The following KANK1 variants were observed in gnomAD, a reference collection of about 807,000 sequenced individuals.
KANK1 encodes the protein KN motif and ankyrin repeat domains 1, also known as KN motif and ankyrin repeat domain-containing protein 1.
In KANK1, 109 loss-of-function variants were observed where a neutral mutation model predicts 106.2. The ratio of observed to expected loss-of-function variants is 1.03; its 90% CI spans 0.88 to 1.20. KANK1 has a LOEUF of 1.20. Among genes scored for constraint, KANK1 ranks in the 50% most tolerant of loss-of-function variants. The pLI is 0.00. For synonymous variants in KANK1, 873 were observed against 652.2 expected, an observed-to-expected ratio of 1.34 and a Z score of -5.16; for missense variants, 2,399 against 1,710.7, an observed-to-expected ratio of 1.40 and a Z score of -7.10.
intron 1 of KANK1, among the ~76,000 whole-genome samples, chr9:527,694 C>CT (rs748198713): frequency 0.042 from 5,984 of 141,072 alleles, 135 homozygotes; most frequent in Non-Finnish European, 0.054. Context: ...TCTAAATTGT[C>CT]TTTTTTTTTT....
chr9:523,491 T>G (rs1025657359), intron 1 of KANK1, among the ~76,000 whole-genome samples: 1 of 151,762 alleles, frequency 6.6e-6, no homozygotes, highest in Non-Finnish European at 1.5e-5. Context: ...AAAACAAAAG[T>G]CACATTGTGG....
chr9:522,913 G>T (rs2059614992), intron 1 of KANK1, among the ~76,000 whole-genome samples: 1 of 151,664 alleles, frequency 6.6e-6, no homozygotes, highest in Admixed American at 6.6e-5. Context: ...CTGCTGAGCT[G>T]TGGTTTCCCA....
At chr9:659,066 C>T (rs770043143) in intron 1 of KANK1, among the ~76,000 whole-genome samples, 13 of 152,136 alleles carry the variant, frequency 8.5e-5, no homozygotes, top group Non-Finnish European at 1.6e-4. Context: ...TTTGTTTGTG[C>T]ACATATAGTT....
chr9:584,447 A>AT (rs1421067076), intron 1 of KANK1, among the ~76,000 whole-genome samples: 1 of 152,194 alleles, frequency 6.6e-6, no homozygotes, highest in Non-Finnish European at 1.5e-5. Flanking sequence ...AGGAAGAAAA[A>AT]TTATTTTTTA....
At chr9:622,277 A>G (rs1833324002) in intron 1 of KANK1, among the ~76,000 whole-genome samples, 1 of 152,220 alleles carries the variant, frequency 6.6e-6, no homozygotes, top group African/African-American at 2.4e-5. Context: ...TTGTCACTTC[A>G]TGCTCTTCTT....
At chr9:557,214 T>G (rs1341412334) in intron 1 of KANK1, among the ~76,000 whole-genome samples, 2 of 151,798 alleles carry the variant, frequency 1.3e-5, no homozygotes, top group African/African-American at 4.8e-5. Context: ...AAAAATTTAT[T>G]CATTAGTTAT....
chr9:619,889 C>T (rs1241143463), intron 1 of KANK1, among the ~76,000 whole-genome samples: 2 of 152,014 alleles, frequency 1.3e-5, no homozygotes, highest in African/African-American at 4.8e-5. Context: ...GTAATCCCAG[C>T]ATTTTGGGAG....
chr9:533,512 G>A (rs991990476), intron 1 of KANK1, among the ~76,000 whole-genome samples: 1 of 152,182 alleles, frequency 6.6e-6, no homozygotes, highest in Non-Finnish European at 1.5e-5. Context: ...ATGGAAAATT[G>A]TTTATATATT....
chr9:549,871 C>T (rs1269112472), intron 1 of KANK1: 1 of 152,192 alleles, frequency 6.6e-6, no homozygotes, highest in Non-Finnish European at 1.5e-5. Context: ...TTCCCTCTAG[C>T]TTCCAGAGGG....
At chr9:508,169 T>G (rs12352750) in intron 1 of KANK1, among the ~76,000 whole-genome samples, 19,630 of 139,380 alleles carry the variant, frequency 0.14, 2,758 homozygotes, top group African/African-American at 0.36. Flanking sequence ...ATGGAGTTTC[T>G]TTCTTGTTGC....
intron 1 of KANK1, among the ~76,000 whole-genome samples, chr9:514,218 CCCTTCCTCCCTCCCTCCCTCCCTTCCTT>C (rs1322433921): frequency 4.2e-5 from 3 of 71,032 alleles, no homozygotes; most frequent in East Asian, 3.2e-4. Flanking sequence ...CTCCCTCCCT[CCCTTCCTCCCTCCCTCCCTCCCTTCCTT>C]CCTTCCTCCC....
At chr9:538,028 C>G (rs1327745305) in intron 1 of KANK1, among the ~76,000 whole-genome samples, 2 of 152,022 alleles carry the variant, frequency 1.3e-5, no homozygotes, top group Non-Finnish European at 2.9e-5. Flanking sequence ...TCTTGTTAAG[C>G]TATTCATCCT....
intron 2 of KANK1, among the ~76,000 whole-genome samples, chr9:686,319 C>A (rs1489214690): frequency 6.6e-6 from 1 of 152,160 alleles, no homozygotes; most frequent in Non-Finnish European, 1.5e-5. Flanking sequence ...TTTTTTGGGG[C>A]AACCCGTTTG....
At chr9:476,373 T>C (rs544464020) in intron 3 of KANK1, among the ~76,000 whole-genome samples, 25 of 151,898 alleles carry the variant, frequency 1.6e-4, no homozygotes, top group African/African-American at 4.1e-4. Flanking sequence ...ATACAAACAT[T>C]AGCCGAGCAT....
chr9:540,689 C>G (rs186538913), intron 1 of KANK1: 21 of 152,320 alleles, frequency 1.4e-4, no homozygotes, highest in African/African-American at 3.4e-4. Context: ...CTGATTCAAT[C>G]TCCTTACTTA....
At chr9:597,166 T>C (rs1324948154) in intron 1 of KANK1, among the ~76,000 whole-genome samples, 2 of 151,898 alleles carry the variant, frequency 1.3e-5, no homozygotes, top group Non-Finnish European at 2.9e-5. Flanking sequence ...TTAATTCTTA[T>C]GAATAAGGCT....
chr9:676,958 T>C lies in KANK1; in HGVS notation c.-15T>C. ...CCTCACTCCTTTCTGGATCTCTCAT[T>C]GGACTCAAGCCAGCATGGCTCACAC... is the stretch of plus-strand genomic sequence containing the variant. On this transcript the variant is annotated 5_prime_UTR_variant, in exon 2 of 12. Coordinates refer to ENST00000382297, the MANE Select transcript of KANK1 (RefSeq NM_015158.5). The C allele has an allele frequency of 6.2e-7, 1 of 1,612,972 alleles. No individual in the cohort carries two copies. The highest frequency in any genetic ancestry group is 8.5e-7 in the Non-Finnish European group (1 of 1,179,228).
At position 535,382 on chromosome 9, in the gene KANK1, A is replaced by T. The variant is rs548955549; in HGVS notation, c.-84+30628A>T. 1.4e-3 allele frequency among the ~76,000 whole-genome samples: 213 copies of T among 152,268 alleles called. 1 individual carries two copies. The highest frequency in any genetic ancestry group is 2.1e-4 in the South Asian group (1 of 4,828). ...GGGGGCTTTCCTGTGGGAGAAAGGA[A>T]GGATCTATTCCTGCCCACACTTCTT... On this transcript the variant is annotated intron_variant, in intron 1 of 11. Transcript: ENST00000382297.
rs754394578 is a variant in KANK1 at position 745,340 on chromosome 9, G to A, written c.*105G>A. 1.2e-4 allele frequency: 165 copies of A among 1,404,074 alleles called. No individual in the cohort carries two copies. The highest frequency in any genetic ancestry group is 1.6e-4 in the Non-Finnish European group (157 of 997,910). 87.0% of individuals were successfully genotyped at this position (1,404,074 alleles called of 1,614,324 possible). Reference sequence around the variant, plus strand: ...ATACGTATTGTGCCTGAGCTCACCAGCAAACAGAAGCATCAAGCCCAGGGG... The same window carrying A: ...ATACGTATTGTGCCTGAGCTCACCAACAAACAGAAGCATCAAGCCCAGGGG... On this transcript the variant is annotated 3_prime_UTR_variant, in exon 12 of 12. Transcript: ENST00000382297.
Sources: allele counts gnomAD v4.1 joint callset (sites outside exome capture counted in the v4.1 genomes callset), GRCh38; gene constraint gnomAD v4.1.1; transcripts MANE v1.5; gene names NCBI Gene and HGNC (gene_info 2026-07-23, HGNC 2026-07-21).